LRRC7: variants seen among roughly 807,000 people sequenced by gnomAD.
The protein encoded by LRRC7 is leucine rich repeat containing 7, also known as leucine-rich repeat-containing protein 7.
In LRRC7, 23 loss-of-function variants were observed where a neutral mutation model predicts 175.7. The ratio of observed to expected loss-of-function variants is 0.13; its 90% CI spans 0.09 to 0.19. The LOEUF is 0.19. LRRC7 is among the 10% of genes least tolerant of loss of function. The pLI is 1.00. For missense variants in LRRC7, 1,354 were observed against 1,904.7 expected (o/e 0.71, Z 5.38); for synonymous variants, 685 against 680.9 (o/e 1.01, Z -0.09).
Position 70,064,527 on chromosome 1 carries a change from C to CA in LRRC7, c.4230+11390dup, listed in dbSNP as rs1041360819. On this transcript the variant is annotated intron_variant, in intron 23 of 26. Transcript: ENST00000651989. ...ATTTTATCACACACACCCCTCCCAACAAAAAAAATCAGAAAACATTATAGC... is the reference window on the plus strand; with the variant it reads ...ATTTTATCACACACACCCCTCCCAACAAAAAAAAATCAGAAAACATTATAGC... Among the ~76,000 whole-genome samples the CA allele has an allele frequency of 2.7e-4, 41 of 151,352 alleles. 1 individual carries two copies. Among genetic ancestry groups the CA allele is most frequent in the Admixed American group, 5.3e-4 (8 of 15,142 alleles).
At chr1:69,974,141 C>CTT (rs1652571403) in intron 8 of LRRC7, among the ~76,000 whole-genome samples, 1 of 152,150 alleles carries the variant, frequency 6.6e-6, no homozygotes, top group African/African-American at 2.4e-5. Context: ...CTTGCTTACT[C>CTT]ACACAATATT....
intron 2 of LRRC7, among the ~76,000 whole-genome samples, chr1:69,707,367 C>G (rs1283263185): frequency 6.6e-6 from 1 of 152,142 alleles, no homozygotes; most frequent in African/African-American, 2.4e-5. Flanking sequence ...CTGAGTCACC[C>G]TGAGGCATAT....
At chr1:69,708,407 G>T (rs939996171) in intron 2 of LRRC7, among the ~76,000 whole-genome samples, 1 of 151,782 alleles carries the variant, frequency 6.6e-6, no homozygotes, top group African/African-American at 2.4e-5. Flanking sequence ...ACTGACCATC[G>T]AGTTCCTTAA....
At chr1:69,749,546 T>C (rs1489695564) in intron 2 of LRRC7, among the ~76,000 whole-genome samples, 2 of 152,202 alleles carry the variant, frequency 1.3e-5, no homozygotes, top group Non-Finnish European at 2.9e-5. Context: ...GAATATTCTA[T>C]CAACCAAAAA....
At chr1:69,743,328 G>A (rs1668911822) in intron 2 of LRRC7, among the ~76,000 whole-genome samples, 1 of 151,994 alleles carries the variant, frequency 6.6e-6, no homozygotes, top group Non-Finnish European at 1.5e-5. Flanking sequence ...TGCAGAAGGA[G>A]TGACATTTGA....
chr1:69,874,329 C>G (rs988169525), intron 7 of LRRC7: 1 of 152,054 alleles, frequency 6.6e-6, no homozygotes, highest in Non-Finnish European at 1.5e-5. Flanking sequence ...TTTATACATA[C>G]AATTTAGAAG....
At chr1:69,713,124 A>G (rs1664963257) in intron 2 of LRRC7, among the ~76,000 whole-genome samples, 1 of 152,178 alleles carries the variant, frequency 6.6e-6, no homozygotes, top group Non-Finnish European at 1.5e-5. Flanking sequence ...ATATAATTTT[A>G]CCTATTGTAA....
intron 1 of LRRC7, among the ~76,000 whole-genome samples, chr1:69,639,948 A>C (rs1360097434): frequency 1.3e-5 from 2 of 151,702 alleles, no homozygotes; most frequent in Non-Finnish European, 3.0e-5. Context: ...TTTGAACCAT[A>C]ACTGTCTGTG....
intron 9 of LRRC7, among the ~76,000 whole-genome samples, chr1:69,983,811 CTTCT>C (rs1167092134): frequency 6.6e-6 from 1 of 152,160 alleles, no homozygotes; most frequent in African/African-American, 2.4e-5. Flanking sequence ...CTCTCAAAAA[CTTCT>C]TTCTTTGTCT....
At chr1:69,584,975 A>C (rs1416766856) in intron 1 of LRRC7, among the ~76,000 whole-genome samples, 1 of 152,206 alleles carries the variant, frequency 6.6e-6, no homozygotes, top group Non-Finnish European at 1.5e-5. Flanking sequence ...TCCTAGAGGA[A>C]GCCTCTACTA....
chr1:70,020,290 C>T (rs1440168816), intron 15 of LRRC7, among the ~76,000 whole-genome samples: 2 of 151,652 alleles, frequency 1.3e-5, no homozygotes, highest in Non-Finnish European at 2.9e-5. Context: ...CATAATGTTG[C>T]AAAGAAGATA....
At chr1:69,581,900 G>T (rs1462540815) in intron 1 of LRRC7, among the ~76,000 whole-genome samples, 1 of 152,144 alleles carries the variant, frequency 6.6e-6, no homozygotes, top group Non-Finnish European at 1.5e-5. Context: ...ATGAGTAGAA[G>T]AGTGTAAACC....
chr1:70,094,230 A>G (rs925461305), intron 25 of LRRC7, among the ~76,000 whole-genome samples: 1 of 152,166 alleles, frequency 6.6e-6, no homozygotes, highest in Non-Finnish European at 1.5e-5. Context: ...ATACTGGGGC[A>G]TTGGGGCCAG....
rs1441582236 is a variant in LRRC7 at position 70,038,438 on chromosome 1, A to G, written c.2614A>G (p.Thr872Ala). ...GTCTACACACAGACACACACCAGAA[A>G]CAGAAGTGCCTCCTTCCAATCCTTG... ...EQSTHRHTPETEVPPSNPWQN... is the reference protein window; with the variant it reads ...EQSTHRHTPEAEVPPSNPWQN... Residue 872 changes from threonine to alanine, a missense_variant, in exon 21 of 27, where the codon ACA becomes GCA. Transcript: ENST00000651989. The G allele has an allele frequency of 6.2e-7, 1 of 1,614,006 alleles. No homozygotes were observed. Among genetic ancestry groups the G allele is most frequent in the African/African-American group, 1.3e-5 (1 of 74,912 alleles).
At chr1:69,595,833 A>G (rs994759212) in intron 1 of LRRC7, among the ~76,000 whole-genome samples, 2 of 152,040 alleles carry the variant, frequency 1.3e-5, no homozygotes, top group Non-Finnish European at 2.9e-5. Flanking sequence ...ATACTTAACT[A>G]CAATTATACC....
chr1:69,730,007 T>G (rs1667393245), intron 2 of LRRC7, among the ~76,000 whole-genome samples: 1 of 152,222 alleles, frequency 6.6e-6, no homozygotes, highest in Admixed American at 6.5e-5. Flanking sequence ...TACCAAGGCT[T>G]GGAGGTTGCA....
At chr1:69,904,465 A>G (rs1646233609) in intron 7 of LRRC7, among the ~76,000 whole-genome samples, 1 of 152,150 alleles carries the variant, frequency 6.6e-6, no homozygotes, top group Non-Finnish European at 1.5e-5. Context: ...TGAAAAAACC[A>G]TGCAAATGGA....
chr1:69,625,802 G>C (rs903045574), intron 1 of LRRC7, among the ~76,000 whole-genome samples: 6 of 151,990 alleles, frequency 3.9e-5, no homozygotes, highest in African/African-American at 1.4e-4. Context: ...TAAACATCTG[G>C]AATTTTCTAG....
chr1:70,004,617 G>A (rs1339813181), intron 11 of LRRC7, among the ~76,000 whole-genome samples: 2 of 152,046 alleles, frequency 1.3e-5, no homozygotes, highest in African/African-American at 4.8e-5. Context: ...TCCAATCCCA[G>A]CTGCCTAGCT....
Sources: gnomAD v4.1 joint callset for allele counts (sites outside exome capture counted in the v4.1 genomes callset) on GRCh38, gnomAD v4.1.1 for gene constraint, MANE v1.5 for transcripts, NCBI Gene and HGNC (gene_info 2026-07-23, HGNC 2026-07-21) for gene names.